Variants in COBL observed in about 807,000 individuals in gnomAD.
COBL encodes protein cordon-bleu.
A neutral mutation model predicts 98.8 loss-of-function variants in COBL; 51 were observed. That is an observed-to-expected ratio of 0.52 (90% CI 0.41 to 0.65). The LOEUF (loss-of-function observed/expected upper bound fraction) is 0.65. COBL is among the 30% of genes least tolerant of loss of function. COBL has a pLI of 0.00. For missense variants in COBL, 1,617 were observed against 1,617.5 expected, an observed-to-expected ratio of 1.00 and a Z score of 0.01; for synonymous variants, 634 against 651.7, an observed-to-expected ratio of 0.97 and a Z score of 0.41.
intron 10 of COBL, among the ~76,000 whole-genome samples, chr7:51,026,958 A>C (rs929824943): frequency 1.3e-5 from 2 of 152,148 alleles, no homozygotes; most frequent in Non-Finnish European, 1.5e-5. Context: ...TCAGTTTTAC[A>C]CCCTGTCTAT....
At position 51,237,515 on chromosome 7, in the gene COBL, G is replaced by A. The variant is rs1366049258; in HGVS notation, c.42-17571C>T. 2.2e-5 allele frequency among the ~76,000 whole-genome samples: 3 copies of A among 139,112 alleles called. No individual in the cohort carries two copies. In the Admixed American group the frequency reaches 2.3e-4, roughly 10 times the overall value. The allele number at this position is 139,112 out of a possible 152,430, so 91.3% of individuals were successfully genotyped here. ...CGATCTCAATATACATAAACTGTGA[G>A]TCCCTTAACCCTTTTTTTTTCTTAA... On this transcript the variant is annotated intron_variant, in intron 1 of 12. Coordinates refer to ENST00000265136, the MANE Select transcript of COBL (RefSeq NM_015198.5).
At chr7:51,209,251 A>G (rs1432058886) in intron 2 of COBL, among the ~76,000 whole-genome samples, 2 of 152,048 alleles carry the variant, frequency 1.3e-5, no homozygotes, top group Admixed American at 6.5e-5. Flanking sequence ...GAGCATCAAT[A>G]ATGTTCTCAT....
intron 1 of COBL, among the ~76,000 whole-genome samples, chr7:51,247,956 G>A (rs1796395254): frequency 6.6e-6 from 1 of 152,026 alleles, no homozygotes; most frequent in Admixed American, 6.6e-5. Flanking sequence ...TGGCCAACAT[G>A]GTGAAACCCC....
intron 2 of COBL, 91 bp downstream of exon 2, chr7:51,219,650 A>C: frequency 7.2e-7 from 1 of 1,387,002 alleles, no homozygotes; most frequent in Non-Finnish European, 1.0e-6. Flanking sequence ...GATGAGGAGG[A>C]AAATGCAATA....
At chr7:51,126,242 C>T (rs1022405311) in intron 6 of COBL, among the ~76,000 whole-genome samples, 2 of 152,164 alleles carry the variant, frequency 1.3e-5, no homozygotes, top group African/African-American at 4.8e-5. Flanking sequence ...GCAGGAGAAT[C>T]GCTTGAACCT....
chr7:51,083,775 T>C (rs182783846), intron 7 of COBL, among the ~76,000 whole-genome samples: 1 of 152,308 alleles, frequency 6.6e-6, no homozygotes, highest in Admixed American at 6.5e-5. Flanking sequence ...AAGAATGTCC[T>C]GAGTTGTAGA....
At chr7:51,177,604 C>T (rs932472726) in intron 5 of COBL, among the ~76,000 whole-genome samples, 4 of 151,590 alleles carry the variant, frequency 2.6e-5, no homozygotes, top group African/African-American at 7.3e-5. Flanking sequence ...GAAACCCCAC[C>T]TCTACTAAAA....
chr7:51,311,807 A>G (rs903287773), intron 1 of COBL, among the ~76,000 whole-genome samples: 1 of 152,228 alleles, frequency 6.6e-6, no homozygotes, highest in Non-Finnish European at 1.5e-5. Context: ...TCTATGTAGT[A>G]ATATAAACCA....
intron 1 of COBL, among the ~76,000 whole-genome samples, chr7:51,231,561 A>G (rs1173342209): frequency 6.6e-6 from 1 of 152,190 alleles, no homozygotes; most frequent in African/African-American, 2.4e-5. Flanking sequence ...GGAGCTTGAA[A>G]CAAATGCCTG....
chr7:51,069,916 A>C (rs556477729), intron 7 of COBL, among the ~76,000 whole-genome samples: 4 of 152,334 alleles, frequency 2.6e-5, no homozygotes, highest in Admixed American at 2.0e-4. Flanking sequence ...CAACCAGGAA[A>C]CAGTGTGTCC....
In COBL at chr7:51,162,010, G is replaced by A. The variant is rs145467319; in HGVS notation, c.783+22092C>T. Among the ~76,000 whole-genome samples, 575 of 152,244 alleles carry A rather than the reference G, an allele frequency of 3.8e-3. 1 individual carries two copies. Among genetic ancestry groups the A allele is most frequent in the African/African-American group, 0.013 (553 of 41,534 alleles). On this transcript the variant is annotated intron_variant, in intron 5 of 12. Transcript: ENST00000265136. Reference sequence around the variant, plus strand: ...TTAACTCAGGTACCTTGTCTCATCCGTTAGCACAGTTTATCACTGCTGTTT... The same window carrying A: ...TTAACTCAGGTACCTTGTCTCATCCATTAGCACAGTTTATCACTGCTGTTT...
intron 7 of COBL, among the ~76,000 whole-genome samples, chr7:51,083,453 A>G (rs1793879053): frequency 6.6e-6 from 1 of 152,180 alleles, no homozygotes; most frequent in African/African-American, 2.4e-5. Flanking sequence ...GTAGTGTTCT[A>G]TCATTGGAGC....
At chr7:51,102,584 C>T (rs1324147235) in intron 6 of COBL, among the ~76,000 whole-genome samples, 1 of 152,188 alleles carries the variant, frequency 6.6e-6, no homozygotes, top group African/African-American at 2.4e-5. Context: ...CATCTGTACA[C>T]ATACATTAGG....
At chr7:51,222,168 A>ATGT (rs1793715630) in intron 1 of COBL, among the ~76,000 whole-genome samples, 1 of 150,452 alleles carries the variant, frequency 6.6e-6, no homozygotes, top group Non-Finnish European at 1.5e-5. Context: ...CAGCCTGGGC[A>ATGT]ACAAGAGTGA....
chr7:51,136,303 G>C lies in COBL; in HGVS notation c.812C>G (p.Ser271Cys). Residue 271 changes from serine to cysteine, a missense_variant, in exon 6 of 13, where the codon TCC becomes TGC. By Grantham distance (112) the Ser-to-Cys change is moderately radical. Transcript: ENST00000265136. ...KGCLTTPNSP[S>C]MHSRSLTLGP... is the part of the protein sequence containing the mutation. Reference sequence around the variant, plus strand: ...CAGCGTAAGAGAACGTGAGTGCATGGATGGGGAGTTGGGGGTCGTTAAACA... The same window carrying C: ...CAGCGTAAGAGAACGTGAGTGCATGCATGGGGAGTTGGGGGTCGTTAAACA... The C allele has an allele frequency of 6.2e-7, 1 of 1,613,990 alleles. No individual in the cohort carries two copies. The highest frequency in any genetic ancestry group is 8.5e-7 in the Non-Finnish European group (1 of 1,180,000).
chr7:51,145,386 T>G (rs77181612), intron 5 of COBL, among the ~76,000 whole-genome samples: 1 of 117,974 alleles, frequency 8.5e-6, no homozygotes, highest in Admixed American at 8.5e-5. Context: ...CTTTTTTTTT[T>G]CTTTTTTTTC....
At chr7:51,081,610 C>T (rs1793673709) in intron 7 of COBL, among the ~76,000 whole-genome samples, 1 of 152,168 alleles carries the variant, frequency 6.6e-6, no homozygotes, top group Non-Finnish European at 1.5e-5. Context: ...CACAGGGAGC[C>T]CAGGAGAAAG....
chr7:51,305,522 G>A (rs77730811), intron 1 of COBL, among the ~76,000 whole-genome samples: 5 of 152,042 alleles, frequency 3.3e-5, no homozygotes, highest in African/African-American at 1.2e-4. Context: ...ATGTCATTTA[G>A]AACAATCAGT....
intron 7 of COBL, among the ~76,000 whole-genome samples, chr7:51,050,775 T>C (rs1197535965): frequency 1.3e-5 from 2 of 152,204 alleles, no homozygotes; most frequent in Non-Finnish European, 2.9e-5. Context: ...TAATAAAGAT[T>C]AGTCTCTTGG....
Sources: gnomAD v4.1 joint callset for allele counts (sites outside exome capture counted in the v4.1 genomes callset) on GRCh38, gnomAD v4.1.1 for gene constraint, MANE v1.5 for transcripts, NCBI Gene and HGNC (gene_info 2026-07-23, HGNC 2026-07-21) for gene names.